USP34: variants seen among roughly 807,000 people sequenced by gnomAD.
USP34 encodes the protein ubiquitin specific peptidase 34.
A neutral mutation model predicts 460.3 loss-of-function variants in USP34; 70 were observed. That is an observed-to-expected ratio of 0.15 (90% CI 0.13 to 0.19). The LOEUF (loss-of-function observed/expected upper bound fraction) is 0.19. Among genes scored for constraint, USP34 ranks in the 10% least tolerant of loss-of-function variants. USP34 has a pLI of 1.00. For synonymous variants in USP34, 1,647 were observed against 1,405.3 expected (o/e 1.17, Z -3.85); for missense variants, 3,985 against 4,236.2 (o/e 0.94, Z 1.65).
intron 27 of USP34, among the ~76,000 whole-genome samples, chr2:61,306,304 C>G (rs1690402193): frequency 6.6e-6 from 1 of 152,142 alleles, no homozygotes; most frequent in African/African-American, 2.4e-5. Context: ...CCAGTTTTCC[C>G]AGCATCATTT....
chr2:61,400,201 C>G (rs898530566), intron 3 of USP34, among the ~76,000 whole-genome samples: 3 of 151,868 alleles, frequency 2.0e-5, no homozygotes, highest in Admixed American at 1.3e-4. Flanking sequence ...GCTCCGCCTC[C>G]CGGGTTCACG....
intron 2 of USP34, among the ~76,000 whole-genome samples, chr2:61,410,247 A>T (rs1265608044): frequency 6.6e-6 from 1 of 152,198 alleles, no homozygotes; most frequent in Non-Finnish European, 1.5e-5. Flanking sequence ...AGACGGTACC[A>T]TCTGGGGGTG....
chr2:61,340,401 C>A (rs1207887960), intron 16 of USP34, among the ~76,000 whole-genome samples: 3 of 152,274 alleles, frequency 2.0e-5, no homozygotes, highest in South Asian at 4.1e-4. Flanking sequence ...CATTTCCTTT[C>A]CTTTCTCTTG....
At chr2:61,207,646 T>C (rs770317804) in intron 70 of USP34, 2 of 152,128 alleles carry the variant, frequency 1.3e-5, no homozygotes, top group Non-Finnish European at 2.9e-5. Flanking sequence ...GGCACAGAGG[T>C]AGACATTTAA....
Position 61,211,790 on chromosome 2 carries a change from C to T in USP34, c.8822G>A (p.Cys2941Tyr). 1.3e-6 allele frequency: 2 copies of T among 1,586,614 alleles called. No homozygotes were observed. The highest frequency in any genetic ancestry group is 1.2e-5 in the South Asian group (1 of 86,266). Reference sequence around the variant, plus strand: ...TTTTTACCTTATTAAAGTAGTCCAGCAGGAGCGGCCATCTAAGCAACGTAA... The same window carrying T: ...TTTTTACCTTATTAAAGTAGTCCAGTAGGAGCGGCCATCTAAGCAACGTAA... ...CYLRCLDGRS[C>Y]WTTLISAFRI... is the part of the protein sequence containing the mutation. Residue 2941 changes from cysteine to tyrosine, a missense_variant, in exon 69 of 80, where the codon TGC becomes TAC. Physicochemically the swap from Cys to Tyr is radical, Grantham distance 194. This residue lies in a region of USP34 where 275 missense variants were observed against 292.7 expected (regional missense o/e 0.94). Coordinates refer to ENST00000398571, the MANE Select transcript of USP34 (RefSeq NM_014709.4).
chr2:61,417,014 C>T, intron 2 of USP34: 1 of 1,322,446 alleles, frequency 7.6e-7, no homozygotes, highest in Non-Finnish European at 1.1e-6. Context: ...TTGGTGAAGC[C>T]CCACTTCTTC....
At chr2:61,302,435 AT>A (rs752309597) in intron 27 of USP34, among the ~76,000 whole-genome samples, 1 of 152,186 alleles carries the variant, frequency 6.6e-6, no homozygotes, top group African/African-American at 2.4e-5. Flanking sequence ...CTTAAGCACA[AT>A]TTTTTTATAA....
chr2:61,202,062 C>T (rs886953405), intron 75 of USP34, among the ~76,000 whole-genome samples: 1 of 152,182 alleles, frequency 6.6e-6, no homozygotes, highest in African/African-American at 2.4e-5. Context: ...ACCAGGTTAC[C>T]AGGAACCAGC....
chr2:61,222,900 T>A, intron 64 of USP34, 160 bp downstream of exon 64: 1 of 709,954 alleles, frequency 1.4e-6, no homozygotes, highest in Non-Finnish European at 2.3e-6. Flanking sequence ...TCTCACTATG[T>A]TGCCTAGGCT....
At chr2:61,388,474 A>AT (rs1474230312) in intron 5 of USP34, among the ~76,000 whole-genome samples, 18 of 148,606 alleles carry the variant, frequency 1.2e-4, no homozygotes, top group African/African-American at 4.5e-4. Context: ...AAAAAAAAAA[A>AT]GATTGGGCAT....
At chr2:61,205,963 C>T (rs1687106604) in intron 72 of USP34, 54 bp downstream of exon 72, 1 of 1,380,734 alleles carries the variant, frequency 7.2e-7, no homozygotes, top group Non-Finnish European at 1.0e-6. Context: ...GAAAAACTCA[C>T]AACAATGTTC....
chr2:61,399,856 G>A (rs1249014119), intron 3 of USP34, among the ~76,000 whole-genome samples: 1 of 107,940 alleles, frequency 9.3e-6, no homozygotes, highest in Non-Finnish European at 1.8e-5. Flanking sequence ...CTCGGCAACA[G>A]TGCGAGACAC....
At position 61,352,709 on chromosome 2, in the gene USP34, T is replaced by G. The variant is rs1009584435; in HGVS notation, c.1252-2016A>C. ...AAAAAAAAAAACCCACTCTTTCAAA[T>G]GTGTACATTATTTAATTCCACAGTA... On this transcript the variant is annotated intron_variant, in intron 10 of 79. Coordinates refer to ENST00000398571, the MANE Select transcript of USP34 (RefSeq NM_014709.4). Among the ~76,000 whole-genome samples the G allele has an allele frequency of 2.7e-5, 4 of 148,192 alleles. No individual in the cohort carries two copies. In the South Asian group the frequency reaches 6.3e-4, roughly 23 times the overall value.
At chr2:61,373,222 T>C (rs1692684793) in intron 8 of USP34, among the ~76,000 whole-genome samples, 1 of 151,906 alleles carries the variant, frequency 6.6e-6, no homozygotes, top group African/African-American at 2.4e-5. Context: ...TATATATATA[T>C]ACTATAAAAA....
At chr2:61,212,081 T>C (rs1377381257) in intron 68 of USP34, 152 bp from the exon 69 acceptor site, 6 of 1,142,302 alleles carry the variant, frequency 5.3e-6, no homozygotes, top group Non-Finnish European at 7.0e-6. Flanking sequence ...CAGTAACAAA[T>C]TCTATTTAAA....
rs374438698 is a variant in USP34, at chr2:61,232,505, C to T, written c.7060G>A (p.Asp2354Asn). 162 of 1,610,102 alleles carry T rather than the reference C, an allele frequency of 1.0e-4. No individual in the cohort carries two copies. The highest frequency in any genetic ancestry group is 1.3e-4 in the Non-Finnish European group (158 of 1,179,090). Residue 2354 changes from aspartate to asparagine, a missense_variant, in exon 58 of 80, where the codon GAC becomes AAC. By Grantham distance (23) the Asp-to-Asn change is conservative (BLOSUM62 1). Around this residue, in one of 14 missense-constraint regions of USP34, gnomAD observed 604 missense variants for 684.8 expected, o/e 0.88. Transcript: ENST00000398571. Reference protein sequence around the residue: ...EWFLDRMADDDWWPMQILIKC... With the variant: ...EWFLDRMADDNWWPMQILIKC... ...ATTAGTATCTGCATTGGCCACCAGTCGTCATCAGCCATACGATCTAAAAAC... is the reference window on the plus strand; with the variant it reads ...ATTAGTATCTGCATTGGCCACCAGTTGTCATCAGCCATACGATCTAAAAAC...
intron 18 of USP34, among the ~76,000 whole-genome samples, chr2:61,337,740 G>C (rs1209197836): frequency 6.6e-6 from 1 of 152,160 alleles, no homozygotes; most frequent in Non-Finnish European, 1.5e-5. Flanking sequence ...ACAGCCATTA[G>C]CTACTGCGCC....
intron 1 of USP34, among the ~76,000 whole-genome samples, chr2:61,437,363 A>G (rs945212170): frequency 1.3e-5 from 2 of 152,226 alleles, no homozygotes; most frequent in Non-Finnish European, 2.9e-5. Context: ...CGGATACCAC[A>G]GAAGTACAAA....
chr2:61,298,873 G>A (rs1423612875), intron 29 of USP34, among the ~76,000 whole-genome samples: 1 of 151,922 alleles, frequency 6.6e-6, no homozygotes, highest in Non-Finnish European at 1.5e-5. Flanking sequence ...GTATTCCCAG[G>A]TCCTCAAACA....
Sources: gnomAD v4.1 joint callset for allele counts (sites outside exome capture counted in the v4.1 genomes callset) on GRCh38, gnomAD v4.1.1 for gene constraint, gnomAD v4.1.1 regional missense constraint, MANE v1.5 for transcripts, NCBI Gene and HGNC (gene_info 2026-07-23, HGNC 2026-07-21) for gene names.